Variants in LRP6 observed in about 807,000 individuals in gnomAD.
The protein encoded by LRP6 is low-density lipoprotein receptor-related protein 6.
A neutral mutation model predicts 184.1 loss-of-function variants in LRP6; 43 were observed. The ratio of observed to expected loss-of-function variants is 0.23; its 90% confidence interval spans 0.18 to 0.30. LRP6 has a LOEUF of 0.30. LRP6 is among the 10% of genes least tolerant of loss of function. The pLI is 1.00. For missense variants in LRP6, 1,571 were observed against 2,005.3 expected, an observed-to-expected ratio of 0.78 and a Z score of 4.14; for synonymous variants, 719 against 684.9, an observed-to-expected ratio of 1.05 and a Z score of -0.78.
chr12:12,160,129 C>G (rs1862705334), intron 10 of LRP6, among the ~76,000 whole-genome samples, 165 bp from the exon 11 acceptor site: 1 of 151,968 alleles, frequency 6.6e-6, no homozygotes, highest in Non-Finnish European at 1.5e-5. Flanking sequence ...ATTTTGGCAC[C>G]CTAAACTAAA....
chr12:12,256,246 G>A (rs1425023764), intron 1 of LRP6, among the ~76,000 whole-genome samples: 1 of 152,200 alleles, frequency 6.6e-6, no homozygotes, highest in East Asian at 1.9e-4. Context: ...TGCTTCTCCA[G>A]CAGAAAAACA....
At chr12:12,258,785 G>A (rs554353408) in intron 1 of LRP6, among the ~76,000 whole-genome samples, 16 of 152,236 alleles carry the variant, frequency 1.1e-4, no homozygotes, top group African/African-American at 3.9e-4. Flanking sequence ...TAAATTATAC[G>A]TACCAATAAA....
intron 3 of LRP6, among the ~76,000 whole-genome samples, chr12:12,195,898 T>C (rs1464730995): frequency 6.6e-6 from 1 of 152,208 alleles, no homozygotes; most frequent in Non-Finnish European, 1.5e-5. Flanking sequence ...AGTTTCATTC[T>C]TCCACATGTG....
intron 10 of LRP6, among the ~76,000 whole-genome samples, chr12:12,160,464 A>G (rs1862712274): frequency 6.6e-6 from 1 of 152,202 alleles, no homozygotes; most frequent in South Asian, 2.1e-4. Flanking sequence ...ATAAATACTA[A>G]GCCTTTAACT....
At chr12:12,216,670 A>G (rs896850918) in intron 2 of LRP6, among the ~76,000 whole-genome samples, 2 of 150,938 alleles carry the variant, frequency 1.3e-5, no homozygotes, top group African/African-American at 4.9e-5. Context: ...AAAAAAAAAA[A>G]GAAAAGAAAA....
At chr12:12,165,892 A>G (rs561644285) in intron 7 of LRP6, among the ~76,000 whole-genome samples, 3 of 152,294 alleles carry the variant, frequency 2.0e-5, no homozygotes, top group African/African-American at 7.2e-5. Flanking sequence ...TATCGGGATT[A>G]TATGACACCC....
Position 12,216,369 on chromosome 12 carries a change from GATA to G in LRP6, c.450-12972_450-12970del, listed in dbSNP as rs143112384. ...ATTTAAATTTGAGGTTTTAAAAAAT[GATA>G]ATAATATAGCCAATTATACTTTTTA... On this transcript the variant is annotated intron_variant, in intron 2 of 22. Coordinates refer to ENST00000261349, the MANE Select transcript of LRP6 (RefSeq NM_002336.3). Among the ~76,000 whole-genome samples the G allele has an allele frequency of 2.0e-3, 303 of 152,244 alleles. 1 individual carries two copies. Among genetic ancestry groups the G allele is most frequent in the African/African-American group, 6.8e-3 (284 of 41,538 alleles).
At chr12:12,129,465 G>A (rs1949716978) in intron 19 of LRP6, among the ~76,000 whole-genome samples, 1 of 152,056 alleles carries the variant, frequency 6.6e-6, no homozygotes, top group African/African-American at 2.4e-5. Context: ...ACTCTTTTCT[G>A]CTTTTGAACA....
intron 7 of LRP6, among the ~76,000 whole-genome samples, chr12:12,166,164 A>G (rs1227672941): frequency 6.6e-6 from 1 of 152,206 alleles, no homozygotes; most frequent in Non-Finnish European, 1.5e-5. Context: ...AGTATGAAAT[A>G]ACATTTCTAA....
chr12:12,225,199 C>T lies in LRP6; in HGVS notation c.449+19063G>A, dbSNP rs189932785. ...CTGCACTCCAGCCTGGGCGACAAAGCGAGACTCCACCTGGCCGGGGTGGAC... is the reference window on the plus strand; with the variant it reads ...CTGCACTCCAGCCTGGGCGACAAAGTGAGACTCCACCTGGCCGGGGTGGAC... On this transcript the variant is annotated intron_variant, in intron 2 of 22. Transcript: ENST00000261349. Among the ~76,000 whole-genome samples the T allele has an allele frequency of 1.9e-3, 286 of 152,112 alleles. 1 individual carries two copies. The highest frequency in any genetic ancestry group is 2.3e-3 in the Non-Finnish European group (156 of 67,984).
At chr12:12,168,029 T>C (rs1049032716) in intron 7 of LRP6, among the ~76,000 whole-genome samples, 1 of 152,154 alleles carries the variant, frequency 6.6e-6, no homozygotes, top group African/African-American at 2.4e-5. Context: ...TAGTTAGATA[T>C]AAAGTAACTA....
chr12:12,137,768 T>C (rs1332406265), intron 16 of LRP6, among the ~76,000 whole-genome samples: 1 of 152,144 alleles, frequency 6.6e-6, no homozygotes, highest in Non-Finnish European at 1.5e-5. Flanking sequence ...CAGGAAATAT[T>C]CTTTTTTAAC....
intron 2 of LRP6, among the ~76,000 whole-genome samples, chr12:12,212,870 C>A (rs1296313848): frequency 6.6e-6 from 1 of 152,130 alleles, no homozygotes; most frequent in African/African-American, 2.4e-5. Context: ...CTTGAGAATT[C>A]TTGGTCTTGA....
chr12:12,210,587 G>A (rs749030720), intron 2 of LRP6, among the ~76,000 whole-genome samples: 5 of 152,148 alleles, frequency 3.3e-5, no homozygotes, highest in Non-Finnish European at 7.3e-5. Flanking sequence ...ATTACGAGTT[G>A]CATATGAAAC....
At chr12:12,249,922 T>C (rs1363554840) in intron 1 of LRP6, among the ~76,000 whole-genome samples, 1 of 152,184 alleles carries the variant, frequency 6.6e-6, no homozygotes, top group Admixed American at 6.5e-5. Context: ...CTAACCTTAC[T>C]GGCATGCCTT....
chr12:12,171,859 T>C (rs1185460806), intron 7 of LRP6, among the ~76,000 whole-genome samples: 1 of 152,238 alleles, frequency 6.6e-6, no homozygotes, highest in Non-Finnish European at 1.5e-5. Flanking sequence ...AATAAGAACA[T>C]GTTGCTCTGT....
chr12:12,189,653 C>T (rs1372593123), intron 3 of LRP6, among the ~76,000 whole-genome samples: 2 of 152,072 alleles, frequency 1.3e-5, no homozygotes, highest in Admixed American at 6.5e-5. Flanking sequence ...AGGCATGCAC[C>T]ACCATGCCTG....
chr12:12,189,038 A>C (rs1205799074), intron 3 of LRP6, among the ~76,000 whole-genome samples: 2 of 152,240 alleles, frequency 1.3e-5, no homozygotes, highest in East Asian at 3.8e-4. Flanking sequence ...AGGCTTCAAA[A>C]AGTTTTGTAT....
At chr12:12,122,157 C>CTTTACAAGTGACATACAGTTGT (rs1404410066) in intron 22 of LRP6, among the ~76,000 whole-genome samples, 3 of 152,110 alleles carry the variant, frequency 2.0e-5, no homozygotes, top group Admixed American at 6.5e-5. Flanking sequence ...ACTTGTTTAT[C>CTTTACAAGTGACATACAGTTGT]TTTACAAGTG....
Sources: gnomAD v4.1 joint callset for allele counts (sites outside exome capture counted in the v4.1 genomes callset) on GRCh38, gnomAD v4.1.1 for gene constraint, MANE v1.5 for transcripts, NCBI Gene and HGNC (gene_info 2026-07-23, HGNC 2026-07-21) for gene names.